The following GPHN variants were observed in gnomAD, a reference collection of about 807,000 sequenced individuals.
The protein encoded by GPHN is gephyrin.
In GPHN, 17 loss-of-function variants were observed where a neutral mutation model predicts 95.5. The ratio of observed to expected loss-of-function variants is 0.18; its 90% CI spans 0.12 to 0.27. The LOEUF is 0.27. GPHN is among the 10% of genes least tolerant of loss of function. GPHN has a pLI of 1.00. For missense variants in GPHN, 660 were observed against 978.1 expected (o/e 0.67, Z 4.34); for synonymous variants, 320 against 322.5 (o/e 0.99, Z 0.08).
intron 4 of GPHN, among the ~76,000 whole-genome samples, chr14:66,829,060 T>A (rs2061485484): frequency 6.6e-6 from 1 of 151,306 alleles, no homozygotes; most frequent in Non-Finnish European, 1.5e-5. Flanking sequence ...TAAAAACTGG[T>A]TTTTAATAAT....
the GPHN span, chr14:67,577,485 T>C: frequency 2.8e-3 from 2,737 of 986,688 alleles, 37 homozygotes; most frequent in African/African-American, 0.031. Flanking sequence ...GCCTGTGCAG[T>C]TGGGGACAAC....
chr14:67,018,021 A>T (rs1399092434), intron 9 of GPHN, among the ~76,000 whole-genome samples: 1 of 152,190 alleles, frequency 6.6e-6, no homozygotes, highest in East Asian at 1.9e-4. Context: ...GTGGGAAATA[A>T]AAAGAGGATA....
the GPHN span, chr14:67,645,820 AAAAG>A: frequency 3.1e-6 from 5 of 1,612,486 alleles, no homozygotes; most frequent in African/African-American, 6.7e-5. Flanking sequence ...GGCCAAAACG[AAAAG>A]AAAGGTGAAT....
the GPHN span, among the ~76,000 whole-genome samples, chr14:67,366,824 C>T: frequency 1.4e-5 from 2 of 139,288 alleles, no homozygotes; most frequent in South Asian, 2.2e-4. Flanking sequence ...GAAGGTGAGT[C>T]GACACTTATA....
the GPHN span, among the ~76,000 whole-genome samples, chr14:67,526,542 C>G: frequency 6.6e-6 from 1 of 152,194 alleles, no homozygotes. Flanking sequence ...AGTGTTCTAG[C>G]CCCCTTCCCT....
rs573262361 is a variant in GPHN, at chr14:66,590,308, A to G, written c.64+81717A>G. Among the ~76,000 whole-genome samples, 4 of 152,240 alleles carry G rather than the reference A, an allele frequency of 2.6e-5. No homozygotes were observed. In the East Asian group the frequency reaches 7.7e-4, roughly 29 times the overall value. On this transcript the variant is annotated intron_variant, in intron 1 of 22. Transcript: ENST00000478722. ...CAAATTCGAAAGCTAGCAGAAGACA[A>G]GAAATAACTAAGATGAGAGCTAGAG... is the stretch of plus-strand genomic sequence containing the variant.
chr14:67,279,477 A>G, the GPHN span: 11 of 1,602,140 alleles, frequency 6.9e-6, no homozygotes, highest in Admixed American at 3.5e-5. Flanking sequence ...AGATAACCCT[A>G]TGTTTGATAC....
the GPHN span, chr14:67,674,252 G>A: frequency 1.4e-5 from 12 of 881,364 alleles, no homozygotes; most frequent in East Asian, 3.5e-4. Flanking sequence ...CCAGCCCTAG[G>A]GGGCGTGTCT....
chr14:67,724,814 G>A, the GPHN span, among the ~76,000 whole-genome samples: 1 of 152,134 alleles, frequency 6.6e-6, no homozygotes. Context: ...TAAGGAAAAC[G>A]ATGTCTGTGT....
the GPHN span, among the ~76,000 whole-genome samples, chr14:67,667,214 G>A: frequency 1.3e-5 from 2 of 152,198 alleles, no homozygotes; most frequent in African/African-American, 4.8e-5. Flanking sequence ...AAGGTGGGCA[G>A]CCTCTCTTCC....
the GPHN span, among the ~76,000 whole-genome samples, chr14:67,256,570 TGG>T: frequency 5.9e-5 from 9 of 152,252 alleles, no homozygotes; most frequent in African/African-American, 1.9e-4. Context: ...TTTTTTGAGA[TGG>T]AGTCTCGCTC....
chr14:67,271,349 C>G, the GPHN span: 1 of 152,178 alleles, frequency 6.6e-6, no homozygotes, highest in African/African-American at 2.4e-5. Flanking sequence ...AGTGATGGTT[C>G]TGGAGTTATA....
intron 10 of GPHN, among the ~76,000 whole-genome samples, chr14:67,040,670 T>C (rs1223085039): frequency 6.6e-6 from 1 of 152,186 alleles, no homozygotes; most frequent in Admixed American, 6.5e-5. Flanking sequence ...TCATTACCTT[T>C]ATATTTTTGA....
At chr14:66,837,895 G>A (rs979861178) in intron 4 of GPHN, among the ~76,000 whole-genome samples, 3 of 151,866 alleles carry the variant, frequency 2.0e-5, no homozygotes, top group Non-Finnish European at 2.9e-5. Flanking sequence ...CTATGGATAC[G>A]AGAGATCATA....
At chr14:67,465,550 T>C in the GPHN span, among the ~76,000 whole-genome samples, 2 of 152,218 alleles carry the variant, frequency 1.3e-5, no homozygotes, top group Admixed American at 1.3e-4. Context: ...AGGTATATCT[T>C]GGGATGCCTA....
chr14:67,051,534 C>T (rs1324885203), intron 10 of GPHN, among the ~76,000 whole-genome samples: 3 of 152,180 alleles, frequency 2.0e-5, no homozygotes, highest in Non-Finnish European at 2.9e-5. Flanking sequence ...GGAAAACGTA[C>T]ATCAGGATAT....
intron 1 of GPHN, among the ~76,000 whole-genome samples, chr14:66,672,313 T>G (rs1210271998): frequency 6.6e-6 from 1 of 152,170 alleles, no homozygotes; most frequent in Non-Finnish European, 1.5e-5. Flanking sequence ...ACTATAATTT[T>G]GTGGTAAGAT....
At chr14:67,104,687 G>C (rs1206050931) in intron 13 of GPHN, among the ~76,000 whole-genome samples, 1 of 152,068 alleles carries the variant, frequency 6.6e-6, no homozygotes, top group Non-Finnish European at 1.5e-5. Flanking sequence ...TATTTCTGTA[G>C]TATCAGTTGT....
chr14:67,296,394 A>G, the GPHN span, among the ~76,000 whole-genome samples: 1 of 151,924 alleles, frequency 6.6e-6, no homozygotes, highest in Non-Finnish European at 1.5e-5. Context: ...AGGTCAGGAG[A>G]TCGAGACCAT....
Sources: gnomAD v4.1 joint callset for allele counts (sites outside exome capture counted in the v4.1 genomes callset) on GRCh38, gnomAD v4.1.1 for gene constraint, MANE v1.5 for transcripts, NCBI Gene and HGNC (gene_info 2026-07-23, HGNC 2026-07-21) for gene names.